The following ZBTB8A variants were observed in gnomAD, a reference collection of about 807,000 sequenced individuals.
The protein encoded by ZBTB8A is zinc finger and BTB domain-containing protein 8A.
A neutral mutation model predicts 37.8 loss-of-function variants in ZBTB8A; 19 were observed. The observed-to-expected ratio is 0.50, with a 90% CI of 0.35 to 0.74. The LOEUF (loss-of-function observed/expected upper bound fraction) is 0.74. ZBTB8A is among the 30% of genes least tolerant of loss of function. The probability of loss-of-function intolerance (pLI) is 0.01; values close to 1 mark genes in which losing one functional copy is unlikely to be tolerated. For synonymous variants in ZBTB8A, 181 were observed against 185.2 expected (o/e 0.98, Z 0.19); for missense variants, 394 against 537.8 (o/e 0.73, Z 2.65).
At chr1:32,544,376 GGTAA>G (rs1437121660) in intron 1 of ZBTB8A, among the ~76,000 whole-genome samples, 1 of 152,216 alleles carries the variant, frequency 6.6e-6, no homozygotes, top group African/African-American at 2.4e-5. Flanking sequence ...GTAAAACAAT[GGTAA>G]GTATTTGTGT....
At position 32,601,596 on chromosome 1, in the gene ZBTB8A, A is replaced by G. The variant is rs1348678775; in HGVS notation, c.*1177A>G. On this transcript the variant is annotated 3_prime_UTR_variant, in exon 5 of 5. Transcript: ENST00000373510. Reference sequence around the variant, plus strand: ...GTATTTTCTCAGTGAGGTGGATACTATCTCCGATTTACAAATGAGGAAATT... The same window carrying G: ...GTATTTTCTCAGTGAGGTGGATACTGTCTCCGATTTACAAATGAGGAAATT... 1 of 398,470 alleles carries G rather than the reference A, an allele frequency of 2.5e-6. No individual in the cohort carries two copies. Among genetic ancestry groups the G allele is most frequent in the Non-Finnish European group, 4.4e-6 (1 of 226,058 alleles). The allele number at this position is 398,470 out of a possible 1,614,324, so 24.7% of individuals were successfully genotyped here.
At chr1:32,557,484 T>C (rs886587119) in intron 2 of ZBTB8A, among the ~76,000 whole-genome samples, 1 of 152,204 alleles carries the variant, frequency 6.6e-6, no homozygotes, top group Non-Finnish European at 1.5e-5. Flanking sequence ...AAAATGTTGC[T>C]TGGTCTGTCC....
chr1:32,574,443 A>C (rs1413052354), intron 2 of ZBTB8A, among the ~76,000 whole-genome samples: 1 of 152,066 alleles, frequency 6.6e-6, no homozygotes, highest in Non-Finnish European at 1.5e-5. Context: ...CAAAAAACTT[A>C]AAAATTAGCC....
chr1:32,558,467 A>ACACCC (rs1553177312), intron 2 of ZBTB8A, among the ~76,000 whole-genome samples: 9 of 151,986 alleles, frequency 5.9e-5, no homozygotes, highest in African/African-American at 2.2e-4. Flanking sequence ...ACACACACAC[A>ACACCC]CACACACAAA....
Position 32,605,747 on chromosome 1 carries a change from A to AGTGAAATG in ZBTB8A, c.*5331_*5338dup, listed in dbSNP as rs1644613256. Reference sequence around the variant, plus strand: ...AAAAAAAAAGAACCTAAGACAACCCAGTGAAATGGTAGCAAAAAATAGGAA... The same window carrying AGTGAAATG: ...AAAAAAAAAGAACCTAAGACAACCCAGTGAAATGGTGAAATGGTAGCAAAAAATAGGAA... On this transcript the variant is annotated 3_prime_UTR_variant, in exon 5 of 5. Transcript: ENST00000373510. The AGTGAAATG allele has an allele frequency of 6.7e-6, 1 of 148,692 alleles. No individual in the cohort carries two copies. The highest frequency in any genetic ancestry group is 2.5e-5 in the African/African-American group (1 of 39,874). 9.2% of individuals were successfully genotyped at this position (148,692 alleles called of 1,614,324 possible).
intron 2 of ZBTB8A, among the ~76,000 whole-genome samples, chr1:32,575,539 T>C (rs1257106184): frequency 6.6e-6 from 1 of 152,040 alleles, no homozygotes; most frequent in African/African-American, 2.4e-5. Context: ...TTTTGTTCTT[T>C]TGCTTTTCTT....
intron 2 of ZBTB8A, among the ~76,000 whole-genome samples, chr1:32,566,658 A>G (rs1247590399): frequency 6.6e-6 from 1 of 152,198 alleles, no homozygotes; most frequent in Non-Finnish European, 1.5e-5. Context: ...TTCTATGACA[A>G]TAGCTATTGA....
In ZBTB8A at chr1:32,550,759, C is replaced by A. The variant is rs1395649966; in HGVS notation, c.-83-2700C>A. On this transcript the variant is annotated intron_variant, in intron 1 of 4. Coordinates refer to ENST00000373510, the MANE Select transcript of ZBTB8A (RefSeq NM_001040441.3). ...GGATCACAAGGTCAGGAGTTCGAGA[C>A]CAGCTTGGCCAATATGGTGAAACCC... 2.0e-5 allele frequency among the ~76,000 whole-genome samples: 3 copies of A among 152,024 alleles called. No individual in the cohort carries two copies. The East Asian group carries it at 5.8e-4, about 29-fold the overall frequency.
chr1:32,558,508 G>A (rs1255014194), intron 2 of ZBTB8A, among the ~76,000 whole-genome samples: 1 of 151,772 alleles, frequency 6.6e-6, no homozygotes, highest in African/African-American at 2.4e-5. Context: ...AACATCTGGA[G>A]GTGGGAAGAT....
At chr1:32,589,113 T>C (rs1570363987) in intron 2 of ZBTB8A, among the ~76,000 whole-genome samples, 1 of 151,928 alleles carries the variant, frequency 6.6e-6, no homozygotes, top group East Asian at 1.9e-4. Flanking sequence ...ATGAATTTTG[T>C]GTAAAGGGAG....
intron 2 of ZBTB8A, among the ~76,000 whole-genome samples, chr1:32,561,798 A>G (rs933070617): frequency 2.6e-5 from 4 of 152,054 alleles, no homozygotes; most frequent in Non-Finnish European, 4.4e-5. Context: ...TATATCTGCA[A>G]AGACCCTATT....
intron 1 of ZBTB8A, among the ~76,000 whole-genome samples, chr1:32,547,355 T>TTC (rs1416784728): frequency 6.7e-6 from 1 of 148,726 alleles, no homozygotes; most frequent in Admixed American, 6.7e-5. Flanking sequence ...TTTCTTTCTT[T>TTC]TTTTTTTTTT....
chr1:32,594,601 A>C (rs1644515504), intron 3 of ZBTB8A, among the ~76,000 whole-genome samples: 1 of 152,080 alleles, frequency 6.6e-6, no homozygotes, highest in South Asian at 2.1e-4. Flanking sequence ...TCTCTACGAA[A>C]AATACAAAAA....
chr1:32,584,826 T>C (rs145281664), intron 2 of ZBTB8A, among the ~76,000 whole-genome samples: 68 of 151,280 alleles, frequency 4.5e-4, no homozygotes, highest in African/African-American at 1.5e-3. Context: ...AGCCTAAACA[T>C]CATTGTTAAT....
intron 1 of ZBTB8A, among the ~76,000 whole-genome samples, chr1:32,543,040 G>T (rs1011139822): frequency 6.6e-6 from 1 of 152,024 alleles, no homozygotes; most frequent in Non-Finnish European, 1.5e-5. Flanking sequence ...TGAATATCAG[G>T]TTGTAACTGA....
chr1:32,593,963 G>A (rs1023091504), intron 3 of ZBTB8A, among the ~76,000 whole-genome samples: 12 of 152,010 alleles, frequency 7.9e-5, no homozygotes, highest in Admixed American at 5.9e-4. Flanking sequence ...AGGCTGAGGC[G>A]GGCAGATCAC....
chr1:32,566,036 C>T (rs1644276229), intron 2 of ZBTB8A, among the ~76,000 whole-genome samples: 1 of 151,726 alleles, frequency 6.6e-6, no homozygotes, highest in Non-Finnish European at 1.5e-5. Flanking sequence ...CCAGTCTCTA[C>T]TAAAAATACA....
At chr1:32,562,679 C>T (rs955083794) in intron 2 of ZBTB8A, among the ~76,000 whole-genome samples, 3 of 149,282 alleles carry the variant, frequency 2.0e-5, no homozygotes, top group Admixed American at 6.8e-5. Context: ...CTGATTCAAG[C>T]GATTCTCCTG....
At chr1:32,539,626 G>A (rs946820013) in intron 1 of ZBTB8A, 54 bp downstream of exon 1, 2 of 146,228 alleles carry the variant, frequency 1.4e-5, no homozygotes, top group East Asian at 2.0e-4. Flanking sequence ...GGGGCTGCCC[G>A]GGACCCGCCG....
Sources: gnomAD v4.1 joint callset for allele counts (sites outside exome capture counted in the v4.1 genomes callset) on GRCh38, gnomAD v4.1.1 for gene constraint, MANE v1.5 for transcripts, NCBI Gene and HGNC (gene_info 2026-07-23, HGNC 2026-07-21) for gene names.